The following ATP8A2 variants were observed in gnomAD, a reference collection of about 807,000 sequenced individuals.
ATP8A2 encodes the protein ATPase phospholipid transporting 8A2.
Under a neutral mutation model 165.6 loss-of-function variants are expected in ATP8A2, and 100 were observed. That is an observed-to-expected ratio of 0.60 (90% CI 0.51 to 0.71). ATP8A2 has a LOEUF of 0.71. ATP8A2 is among the 30% of genes least tolerant of loss of function. The pLI, the probability that ATP8A2 is intolerant of heterozygous loss-of-function variation, is 0.00. For synonymous variants in ATP8A2, 543 were observed against 548.8 expected, an observed-to-expected ratio of 0.99 and a Z score of 0.15; for missense variants, 1,227 against 1,479.5, an observed-to-expected ratio of 0.83 and a Z score of 2.80.
chr13:25,518,724 C>T (rs9578881), intron 2 of ATP8A2, among the ~76,000 whole-genome samples: 8,624 of 152,214 alleles, frequency 0.057, 314 homozygotes, highest in South Asian at 0.13. Context: ...AGGTCAGACT[C>T]CTGTGGTGCC....
At chr13:25,895,930 CTTT>C (rs936491568) in intron 33 of ATP8A2, among the ~76,000 whole-genome samples, 10 of 151,886 alleles carry the variant, frequency 6.6e-5, no homozygotes, top group African/African-American at 2.2e-4. Flanking sequence ...CTCTCTTCTT[CTTT>C]ATTAGTCTTG....
intron 23 of ATP8A2, among the ~76,000 whole-genome samples, chr13:25,585,129 A>G (rs557459302): frequency 6.6e-6 from 1 of 152,338 alleles, no homozygotes; most frequent in Admixed American, 6.5e-5. Context: ...TAGATAGACA[A>G]TCATCTTGTG....
chr13:25,809,706 C>T (rs1950819475), intron 27 of ATP8A2, among the ~76,000 whole-genome samples: 1 of 152,106 alleles, frequency 6.6e-6, no homozygotes, highest in South Asian at 2.1e-4. Flanking sequence ...CTCTGATGTT[C>T]TTATTTGTAC....
intron 24 of ATP8A2, among the ~76,000 whole-genome samples, chr13:25,664,652 C>T (rs2042113912): frequency 6.6e-6 from 1 of 152,092 alleles, no homozygotes; most frequent in Non-Finnish European, 1.5e-5. Context: ...CTTGTGCATC[C>T]AAAACCAGGT....
chr13:26,011,629 C>G (rs745652903), intron 35 of ATP8A2, among the ~76,000 whole-genome samples: 1 of 152,162 alleles, frequency 6.6e-6, no homozygotes, highest in Non-Finnish European at 1.5e-5. Flanking sequence ...CAAGCAGTCC[C>G]TTTGGGCTTA....
intron 35 of ATP8A2, among the ~76,000 whole-genome samples, chr13:25,969,159 A>T (rs1955856484): frequency 6.6e-6 from 1 of 152,176 alleles, no homozygotes; most frequent in African/African-American, 2.4e-5. Flanking sequence ...TTTAATGCTA[A>T]CATTTTCTGC....
intron 30 of ATP8A2, among the ~76,000 whole-genome samples, chr13:25,840,456 A>G (rs1205990667): frequency 6.6e-6 from 1 of 152,226 alleles, no homozygotes; most frequent in Non-Finnish European, 1.5e-5. Context: ...ATATTCTTTA[A>G]CCTATTAAAT....
intron 1 of ATP8A2, among the ~76,000 whole-genome samples, chr13:25,391,757 CAGG>C (rs995178708): frequency 1.3e-5 from 2 of 152,282 alleles, no homozygotes; most frequent in Admixed American, 6.5e-5. Context: ...TTTGCCCTTC[CAGG>C]AGGCCATACA....
At chr13:25,727,118 C>T (rs1272851774) in intron 25 of ATP8A2, among the ~76,000 whole-genome samples, 1 of 152,118 alleles carries the variant, frequency 6.6e-6, no homozygotes, top group Non-Finnish European at 1.5e-5. Flanking sequence ...GCAAACCTGG[C>T]ACATCTCAGG....
At chr13:25,406,858 C>T (rs560621532) in intron 1 of ATP8A2, among the ~76,000 whole-genome samples, 5 of 152,330 alleles carry the variant, frequency 3.3e-5, no homozygotes, top group South Asian at 2.1e-4. Flanking sequence ...TCAGCTCAAG[C>T]GGTGGCTTTC....
intron 26 of ATP8A2, among the ~76,000 whole-genome samples, chr13:25,769,494 G>A (rs2044571852): frequency 6.6e-6 from 1 of 152,182 alleles, no homozygotes; most frequent in African/African-American, 2.4e-5. Context: ...GCTGCTCCTG[G>A]CAGATAGGTC....
rs139961996 is a variant in ATP8A2, at chr13:25,492,641, A to G, written c.221+23520A>G. Among the ~76,000 whole-genome samples, 70 of 152,304 alleles carry G rather than the reference A, an allele frequency of 4.6e-4. 1 individual carries two copies. In the East Asian group the frequency reaches 9.5e-3, roughly 21 times the overall value. On this transcript the variant is annotated intron_variant, in intron 2 of 36. Coordinates refer to ENST00000381655, the MANE Select transcript of ATP8A2 (RefSeq NM_016529.6). ...TTCTGTAGATGTAGCACTGCGTCTT[A>G]TAAGCCCTCAGTTTCCTACTGTGTG...
intron 2 of ATP8A2, among the ~76,000 whole-genome samples, chr13:25,482,804 C>T (rs1444300784): frequency 2.6e-5 from 4 of 152,216 alleles, no homozygotes; most frequent in African/African-American, 9.7e-5. Context: ...CTCTCTTTGC[C>T]TGCTGCCGTC....
At chr13:25,680,489 A>C (rs2042463417) in intron 24 of ATP8A2, among the ~76,000 whole-genome samples, 1 of 152,154 alleles carries the variant, frequency 6.6e-6, no homozygotes, top group Non-Finnish European at 1.5e-5. Flanking sequence ...CTGTTGTTTT[A>C]AGCCACCCAG....
intron 24 of ATP8A2, among the ~76,000 whole-genome samples, chr13:25,623,274 T>C (rs1340737271): frequency 6.6e-6 from 1 of 152,160 alleles, no homozygotes; most frequent in East Asian, 1.9e-4. Context: ...TGTGAGCCTG[T>C]AGTGCCAGCT....
intron 30 of ATP8A2, among the ~76,000 whole-genome samples, chr13:25,858,677 G>T (rs1237252354): frequency 6.6e-6 from 1 of 152,164 alleles, no homozygotes; most frequent in Non-Finnish European, 1.5e-5. Context: ...AAATCTGCGA[G>T]CCCAGATATG....
intron 24 of ATP8A2, among the ~76,000 whole-genome samples, chr13:25,635,333 C>T (rs562924639): frequency 2.0e-5 from 3 of 152,286 alleles, no homozygotes; most frequent in Admixed American, 2.0e-4. Context: ...TGAAGCCATT[C>T]CTTAACAGAA....
intron 8 of ATP8A2, among the ~76,000 whole-genome samples, chr13:25,541,338 CAT>C (rs1471832733): frequency 6.6e-6 from 1 of 151,960 alleles, no homozygotes; most frequent in Non-Finnish European, 1.5e-5. Context: ...GCCTGGGCAA[CAT>C]AGCAAGACCC....
chr13:25,591,322 A>G (rs946627954), intron 24 of ATP8A2: 1 of 456,538 alleles, frequency 2.2e-6, no homozygotes, highest in Non-Finnish European at 4.4e-6. Flanking sequence ...TCCCACACCT[A>G]CCTCATCCCC....
Sources: gnomAD v4.1 joint callset for allele counts (sites outside exome capture counted in the v4.1 genomes callset) on GRCh38, gnomAD v4.1.1 for gene constraint, MANE v1.5 for transcripts, NCBI Gene and HGNC (gene_info 2026-07-23, HGNC 2026-07-21) for gene names.